Variants in RORB observed in about 807,000 individuals in gnomAD.
The protein encoded by RORB is nuclear receptor ROR-beta.
Under a neutral mutation model 59.1 loss-of-function variants are expected in RORB, and 6 were observed. The observed-to-expected ratio is 0.10, with a 90% CI of 0.06 to 0.20. The LOEUF (loss-of-function observed/expected upper bound fraction) is 0.20, where lower values mean the gene tolerates loss of function less well. RORB is among the 10% of genes least tolerant of loss of function. RORB has a pLI of 1.00. For missense variants in RORB, 320 were observed against 560.5 expected, an observed-to-expected ratio of 0.57 and a Z score of 4.33; for synonymous variants, 215 against 204.5, an observed-to-expected ratio of 1.05 and a Z score of -0.44.
At chr9:74,544,600 C>G (rs371610081) in intron 1 of RORB, among the ~76,000 whole-genome samples, 1 of 152,200 alleles carries the variant, frequency 6.6e-6, no homozygotes, top group East Asian at 1.9e-4. Context: ...CCAAACGCAG[C>G]CTTACTGGGC....
At chr9:74,498,012 C>A (rs2117998264) in intron 1 of RORB, 29 bp downstream of exon 1, 2 of 1,606,450 alleles carry the variant, frequency 1.2e-6, no homozygotes, top group Admixed American at 3.4e-5. Context: ...ACCGAGGCTC[C>A]CCGAGTCCGG....
At chr9:74,582,208 G>C (rs556095197) in intron 1 of RORB, among the ~76,000 whole-genome samples, 1 of 152,314 alleles carries the variant, frequency 6.6e-6, no homozygotes, top group Admixed American at 6.5e-5. Context: ...ACCATACTTA[G>C]TTGTTTAGGC....
chr9:74,554,024 C>T (rs572821667), intron 1 of RORB, among the ~76,000 whole-genome samples: 2 of 152,268 alleles, frequency 1.3e-5, no homozygotes, highest in African/African-American at 2.4e-5. Flanking sequence ...AGTTGGAGAT[C>T]GCGAATTCTC....
At position 74,597,882 on chromosome 9, in the gene RORB, C is replaced by T. The variant is rs191046797; in HGVS notation, c.8-32400C>T. Among the ~76,000 whole-genome samples the T allele has an allele frequency of 6.3e-3, 963 of 151,778 alleles. 9 individuals are homozygous for T. Among genetic ancestry groups the T allele is most frequent in the African/African-American group, 0.022 (907 of 41,376 alleles). On this transcript the variant is annotated intron_variant, in intron 1 of 9. Coordinates refer to ENST00000376896, the MANE Select transcript of RORB (RefSeq NM_006914.4). ...CTGAGGCAGGAGAATCGCTTGAACC[C>T]GGGAGGCAGAGGTTGCGGTGAGCCG...
At chr9:74,519,232 T>G (rs1161756350) in intron 1 of RORB, among the ~76,000 whole-genome samples, 1 of 152,042 alleles carries the variant, frequency 6.6e-6, no homozygotes, top group Non-Finnish European at 1.5e-5. Flanking sequence ...CAGATAAATA[T>G]CCTACCTACT....
At chr9:74,680,179 A>G (rs561693988) in intron 9 of RORB, among the ~76,000 whole-genome samples, 121 of 152,328 alleles carry the variant, frequency 7.9e-4, no homozygotes, top group Non-Finnish European at 1.5e-3. Context: ...AAAAGTATAA[A>G]AAATAAAAAT....
intron 1 of RORB, among the ~76,000 whole-genome samples, chr9:74,504,152 A>T (rs1825838294): frequency 6.6e-6 from 1 of 152,040 alleles, no homozygotes; most frequent in South Asian, 2.1e-4. Context: ...TAATAAGTGC[A>T]AATTTATTAG....
chr9:74,615,943 G>A (rs1823306092), intron 1 of RORB, among the ~76,000 whole-genome samples: 1 of 152,088 alleles, frequency 6.6e-6, no homozygotes, highest in Non-Finnish European at 1.5e-5. Flanking sequence ...TTAATCATAT[G>A]AACATCCTTC....
At position 74,500,213 on chromosome 9, in the gene RORB, T is replaced by C. The variant is rs112782732; in HGVS notation, c.7+2230T>C. ...CCTTAGGGGAATGCGCTGGAGAAAATGTAAGCTTAAAAGATGACCAGGTCA... is the reference window on the plus strand; with the variant it reads ...CCTTAGGGGAATGCGCTGGAGAAAACGTAAGCTTAAAAGATGACCAGGTCA... On this transcript the variant is annotated intron_variant, in intron 1 of 9. Transcript: ENST00000376896. Among the ~76,000 whole-genome samples the C allele has an allele frequency of 2.8e-3, 433 of 152,120 alleles. 2 individuals are homozygous for C. The highest frequency in any genetic ancestry group is 9.8e-3 in the African/African-American group (408 of 41,486).
intron 9 of RORB, among the ~76,000 whole-genome samples, chr9:74,682,044 C>G (rs1269485693): frequency 1.3e-5 from 2 of 152,092 alleles, no homozygotes; most frequent in African/African-American, 4.8e-5. Context: ...AAAGCATGGC[C>G]TTGACTCTTT....
chr9:74,527,982 C>T (rs1459704638), intron 1 of RORB, among the ~76,000 whole-genome samples: 1 of 151,954 alleles, frequency 6.6e-6, no homozygotes, highest in Non-Finnish European at 1.5e-5. Context: ...GCTACTCTTC[C>T]AAGACAGAGA....
intron 3 of RORB, among the ~76,000 whole-genome samples, chr9:74,635,882 C>A (rs1266367812): frequency 1.3e-5 from 2 of 150,250 alleles, no homozygotes; most frequent in Non-Finnish European, 3.0e-5. Context: ...TGATTAGATT[C>A]TTTACCTTTT....
At chr9:74,579,955 G>A (rs1201865596) in intron 1 of RORB, among the ~76,000 whole-genome samples, 1 of 152,162 alleles carries the variant, frequency 6.6e-6, no homozygotes, top group Admixed American at 6.5e-5. Context: ...GATATTTTGA[G>A]AGAGAGATAA....
At chr9:74,643,574 C>T (rs1473709510) in intron 4 of RORB, among the ~76,000 whole-genome samples, 1 of 152,172 alleles carries the variant, frequency 6.6e-6, no homozygotes, top group Admixed American at 6.5e-5. Context: ...AAATGTTTAA[C>T]CAGTTAATCT....
At chr9:74,563,019 T>A (rs1217867845) in intron 1 of RORB, among the ~76,000 whole-genome samples, 2 of 152,148 alleles carry the variant, frequency 1.3e-5, no homozygotes, top group East Asian at 3.9e-4. Flanking sequence ...AGTACACTCA[T>A]CAAAATCAAG....
At chr9:74,624,474 C>T (rs60298485) in intron 1 of RORB, among the ~76,000 whole-genome samples, 5 of 152,312 alleles carry the variant, frequency 3.3e-5, no homozygotes, top group African/African-American at 1.2e-4. Context: ...CATGGTATAG[C>T]GGCCGAAGTT....
intron 1 of RORB, among the ~76,000 whole-genome samples, chr9:74,607,640 A>C (rs1298280567): frequency 6.6e-6 from 1 of 152,048 alleles, no homozygotes; most frequent in African/African-American, 2.4e-5. Flanking sequence ...TCATAAGTAC[A>C]TAAGTATATC....
chr9:74,579,365 CTT>C (rs939796356), intron 1 of RORB, among the ~76,000 whole-genome samples: 3 of 151,938 alleles, frequency 2.0e-5, no homozygotes, highest in African/African-American at 7.2e-5. Context: ...TTTTATATTT[CTT>C]TCTTTTTTTT....
At chr9:74,512,671 A>T in intron 1 of RORB, among the ~76,000 whole-genome samples, 1 of 152,182 alleles carries the variant, frequency 6.6e-6, no homozygotes, top group East Asian at 1.9e-4. Context: ...TATCCTGTCC[A>T]AAATGCCCAT....
Sources: allele counts gnomAD v4.1 joint callset (sites outside exome capture counted in the v4.1 genomes callset), GRCh38; gene constraint gnomAD v4.1.1; transcripts MANE v1.5; gene names NCBI Gene and HGNC (gene_info 2026-07-23, HGNC 2026-07-21).